Variants in CLSTN3 observed in about 807,000 individuals in gnomAD.
CLSTN3 encodes the protein calsyntenin-3.
CLSTN3 carries 36 observed loss-of-function variants against 95.9 expected under a neutral mutation model. That is an observed-to-expected ratio of 0.38 (90% CI 0.29 to 0.50). The LOEUF (loss-of-function observed/expected upper bound fraction) is 0.50, where lower values mean the gene tolerates loss of function less well. CLSTN3 is among the 20% of genes least tolerant of loss of function. CLSTN3 has a pLI of 0.95. For missense variants in CLSTN3, 1,084 were observed against 1,268.8 expected (o/e 0.85, Z 2.21); for synonymous variants, 481 against 504.0 (o/e 0.95, Z 0.61).
intron 12 of CLSTN3, among the ~76,000 whole-genome samples, chr12:7,147,871 T>C (rs1939648473): frequency 6.6e-6 from 1 of 152,004 alleles, no homozygotes; most frequent in Non-Finnish European, 1.5e-5. Flanking sequence ...TGAAATAATA[T>C]GGGCCAGGTG....
At chr12:7,155,666 C>G (rs1036598148) in intron 16 of CLSTN3, among the ~76,000 whole-genome samples, 1 of 152,254 alleles carries the variant, frequency 6.6e-6, no homozygotes, top group African/African-American at 2.4e-5. Context: ...CCTCCCTTAT[C>G]CCCCGTTCCC....
In CLSTN3 at chr12:7,138,073, G is replaced by A; in HGVS notation, c.1323+6G>A. ...TCCTCTGGAAGCTGGAGCAGGTGAGGCAAGAGCCAGGCTCCTGGGAGGGCT... is the reference window on the plus strand; with the variant it reads ...TCCTCTGGAAGCTGGAGCAGGTGAGACAAGAGCCAGGCTCCTGGGAGGGCT... On this transcript the variant is annotated splice_donor_region_variant and intron_variant, in intron 8 of 17. Transcript: ENST00000266546. 1 of 1,609,048 alleles carries A rather than the reference G, an allele frequency of 6.2e-7. No homozygotes were observed. Among genetic ancestry groups the A allele is most frequent in the Non-Finnish European group, 8.5e-7 (1 of 1,175,590 alleles).
rs930888182 is a variant in CLSTN3, at chr12:7,141,678, T to C, written c.1486+274T>C. Among the ~76,000 whole-genome samples the C allele has an allele frequency of 2.6e-5, 4 of 152,208 alleles. No homozygotes were observed. Among genetic ancestry groups the C allele is most frequent in the Admixed American group, 1.3e-4 (2 of 15,286 alleles). ...GTAACTCCAGCCAGTTTCCACTTTT[T>C]TCCATCAAAGTGATGATGACTTCCA... is the stretch of plus-strand genomic sequence containing the variant. On this transcript the variant is annotated intron_variant, in intron 9 of 17. Coordinates refer to ENST00000266546, the MANE Select transcript of CLSTN3 (RefSeq NM_014718.4). The surrounding 1 kb of genome is among the most constrained non-coding windows in gnomAD (Gnocchi z 4.1).
rs1185012232 is a variant in CLSTN3 at position 7,150,920 on chromosome 12, C to T, written c.2392-8C>T. On this transcript the variant is annotated splice_polypyrimidine_tract_variant and splice_region_variant and intron_variant, in intron 15 of 17. Coordinates refer to ENST00000266546, the MANE Select transcript of CLSTN3 (RefSeq NM_014718.4). The surrounding 1 kb of genome is among the most constrained non-coding windows in gnomAD (Gnocchi z 4.0). Reference sequence around the variant, plus strand: ...CGTGTGTGCCCATGGAGCCCTCCCTCTGCCCAGGTCAATGTCCTGCACAGC... The same window carrying T: ...CGTGTGTGCCCATGGAGCCCTCCCTTTGCCCAGGTCAATGTCCTGCACAGC... 6.3e-7 allele frequency: 1 copy of T among 1,579,058 alleles called. No individual in the cohort carries two copies. The highest frequency in any genetic ancestry group is 2.2e-5 in the East Asian group (1 of 44,472).
chr12:7,150,495 A>C lies in CLSTN3; in HGVS notation c.2246-49A>C. 1 of 1,582,624 alleles carries C rather than the reference A, an allele frequency of 6.3e-7. No homozygotes were observed. Among genetic ancestry groups the C allele is most frequent in the Non-Finnish European group, 8.6e-7 (1 of 1,158,572 alleles). Reference sequence around the variant, plus strand: ...GAGTCCAGGAGAGAGGGTCCTGCCCAGGTCCTGCCTCCACTGGCCCCTGCC... The same window carrying C: ...GAGTCCAGGAGAGAGGGTCCTGCCCCGGTCCTGCCTCCACTGGCCCCTGCC... On this transcript the variant is annotated intron_variant, in intron 14 of 17. Coordinates refer to ENST00000266546, the MANE Select transcript of CLSTN3 (RefSeq NM_014718.4). The surrounding 1 kb of genome is among the most constrained non-coding windows in gnomAD (Gnocchi z 4.0).
At chr12:7,140,050 G>T (rs1372521830) in intron 8 of CLSTN3, among the ~76,000 whole-genome samples, 4 of 152,184 alleles carry the variant, frequency 2.6e-5, no homozygotes, top group Admixed American at 6.5e-5. Context: ...CATGAAAGGG[G>T]TTGGAGACAT....
chr12:7,152,901 C>T (rs116830003), intron 16 of CLSTN3, among the ~76,000 whole-genome samples: 42 of 152,284 alleles, frequency 2.8e-4, no homozygotes, highest in African/African-American at 1.0e-3. Flanking sequence ...CCATGGCCCT[C>T]ACCCTTCTCC....
chr12:7,149,610 G>A lies in CLSTN3; in HGVS notation c.2162G>A (p.Arg721Gln), dbSNP rs148818256. Residue 721 changes from arginine (R) to glutamine (Q), a missense_variant, in exon 14 of 18, where the codon CGG becomes CAG. Transcript: ENST00000266546. This position sits in a 1 kb window ranked among gnomAD's most constrained non-coding sequence, Gnocchi z 4.5. ...GTGGGGGATGACCTGGATCCCGAGC[G>A]GGAAAGCCTGCTCCTGGACACAACC... ...SLVGDDLDPE[R>Q]ESLLLDTTSL... 3.7e-5 allele frequency: 59 copies of A among 1,613,882 alleles called. No individual in the cohort carries two copies. Among genetic ancestry groups the A allele is most frequent in the Admixed American group, 5.0e-5 (3 of 60,004 alleles).
intron 10 of CLSTN3, 42 bp from the exon 11 acceptor site, chr12:7,142,827 T>A (rs1301805237): frequency 6.4e-7 from 1 of 1,556,462 alleles, no homozygotes. Context: ...TCCATCCTCC[T>A]CTCTTCTCAC....
Position 7,156,230 on chromosome 12 carries a change from C to T in CLSTN3, c.2528-1259C>T, listed in dbSNP as rs987703524. 23 of 455,410 alleles carry T rather than the reference C, an allele frequency of 5.1e-5. No individual in the cohort carries two copies. In the Admixed American group the frequency reaches 5.2e-4, roughly 10 times the overall value. 28.2% of individuals were successfully genotyped at this position (455,410 alleles called of 1,614,324 possible). On this transcript the variant is annotated intron_variant, in intron 16 of 17. Transcript: ENST00000266546. ...CATGTGGGGAGTAGTGACCCAGCTG[C>T]CCGTAAGGGCCCTGGGCCTGGAGGT... is the stretch of plus-strand genomic sequence containing the variant.
At chr12:7,152,549 A>G (rs981509969) in intron 16 of CLSTN3, among the ~76,000 whole-genome samples, 1 of 152,194 alleles carries the variant, frequency 6.6e-6, no homozygotes, top group Non-Finnish European at 1.5e-5. Context: ...ATTGAAGGCA[A>G]TTCTCAAAGG....
At chr12:7,136,468 T>C in intron 6 of CLSTN3, 77 bp downstream of exon 6, 1 of 1,343,130 alleles carries the variant, frequency 7.4e-7, no homozygotes, top group South Asian at 1.5e-5. Flanking sequence ...AAGACTCTGC[T>C]TTACATCACC....
At chr12:7,139,924 G>T (rs183827188) in intron 8 of CLSTN3, among the ~76,000 whole-genome samples, 2 of 152,198 alleles carry the variant, frequency 1.3e-5, no homozygotes, top group African/African-American at 4.8e-5. Flanking sequence ...GATTACAGGC[G>T]TGAGCCACTG....
At chr12:7,155,824 A>G (rs1412103309) in intron 16 of CLSTN3, 1 of 185,580 alleles carries the variant, frequency 5.4e-6, no homozygotes, top group African/African-American at 2.4e-5. Flanking sequence ...GCAGACAGCC[A>G]TCAGGGTGGC....
intron 8 of CLSTN3, chr12:7,138,829 C>CAAAAAAAAAAAAA (rs5796259): frequency 6.9e-5 from 3 of 43,192 alleles, no homozygotes; most frequent in African/African-American, 1.0e-4. Context: ...AAGCAAACGG[C>CAAAAAAAAAAAAA]AAAAAAAAAA....
At position 7,157,813 on chromosome 12, in the gene CLSTN3, GA is replaced by G; in HGVS notation, c.2730+123del. On this transcript the variant is annotated intron_variant, in intron 17 of 17. Transcript: ENST00000266546. The surrounding 1 kb of genome is among the most constrained non-coding windows in gnomAD (Gnocchi z 5.9). ...TCGCAGAGCTGCAGTGAGCCGGAGG[GA>G]GAGAGGTTCAGGCAGGGAAGGGGGT... is the stretch of plus-strand genomic sequence containing the variant. The G allele has an allele frequency of 6.7e-7, 1 of 1,494,928 alleles. No homozygotes were observed. The highest frequency in any genetic ancestry group is 9.0e-7 in the Non-Finnish European group (1 of 1,111,136). 92.6% of individuals were successfully genotyped at this position (1,494,928 alleles called of 1,614,324 possible). A position where few individuals can be genotyped will look rare whatever the true frequency, so the allele number is the denominator to read the frequency against.
At chr12:7,136,495 T>G (rs1027375946) in intron 6 of CLSTN3, 104 bp downstream of exon 6, 4 of 1,135,552 alleles carry the variant, frequency 3.5e-6, no homozygotes, top group African/African-American at 1.6e-5. Context: ...CATCCACAGG[T>G]GTTTATCCAT....
rs760677281 is a variant in CLSTN3 at position 7,149,101 on chromosome 12, G to A, written c.1977G>A (p.Glu659=). The A allele has an allele frequency of 9.9e-6, 16 of 1,614,116 alleles. 1 individual carries two copies. The South Asian group carries it at 1.1e-4, about 11-fold the overall frequency. Residue 659 remains glutamate (E), a synonymous_variant, in exon 13 of 18, where the codon GAG becomes GAA. Transcript: ENST00000266546. This position sits in a 1 kb window ranked among gnomAD's most constrained non-coding sequence, Gnocchi z 4.5. The part of the protein sequence containing the change: ...AHFARPAVDF[E]GTNGVPLFPD... ...TTGCCCGCCCAGCTGTGGACTTTGAGGGAACCAACGGCGTCCCTTTGTTCC... is the reference window on the plus strand; with the variant it reads ...TTGCCCGCCCAGCTGTGGACTTTGAAGGAACCAACGGCGTCCCTTTGTTCC...
In CLSTN3 at chr12:7,149,011, G is replaced by A; in HGVS notation, c.1887G>A (p.Val629=). ...SEESCVSIPE[V]EGYVVVLQPD... Reference sequence around the variant, plus strand: ...AGTCCTGCGTCTCCATCCCTGAAGTGGAGGGCTACGTGGTCGTCCTTCAGC... The same window carrying A: ...AGTCCTGCGTCTCCATCCCTGAAGTAGAGGGCTACGTGGTCGTCCTTCAGC... Residue 629 remains valine, a synonymous_variant, in exon 13 of 18, where the codon GTG becomes GTA. Coordinates refer to ENST00000266546, the MANE Select transcript of CLSTN3 (RefSeq NM_014718.4). The surrounding 1 kb of genome is among the most constrained non-coding windows in gnomAD (Gnocchi z 4.5). The A allele has an allele frequency of 6.2e-7, 1 of 1,614,208 alleles. No homozygotes were observed.
Sources: allele counts gnomAD v4.1 joint callset (sites outside exome capture counted in the v4.1 genomes callset), GRCh38; gene constraint gnomAD v4.1.1; non-coding constraint Gnocchi (gnomAD v3.1); transcripts MANE v1.5; gene names NCBI Gene and HGNC (gene_info 2026-07-23, HGNC 2026-07-21).